CTNNA2: variants seen among roughly 807,000 people sequenced by gnomAD.
CTNNA2 encodes catenin alpha 2.
CTNNA2 carries 42 observed loss-of-function variants against 101.0 expected under a neutral mutation model. The ratio of observed to expected loss-of-function variants is 0.42; its 90% CI spans 0.32 to 0.54. The LOEUF is 0.54. CTNNA2 is among the 20% of genes least tolerant of loss of function. CTNNA2 has a pLI of 0.14. For missense variants in CTNNA2, 871 were observed against 1,223.1 expected, an observed-to-expected ratio of 0.71 and a Z score of 4.29; for synonymous variants, 450 against 456.4, an observed-to-expected ratio of 0.99 and a Z score of 0.18.
intron 7 of CTNNA2, among the ~76,000 whole-genome samples, chr2:80,347,292 T>G (rs1407259832): frequency 1.3e-5 from 2 of 152,212 alleles, no homozygotes; most frequent in Non-Finnish European, 2.9e-5. Context: ...TTCCCCACAT[T>G]ACACTGTAAA....
At chr2:79,948,899 C>T (rs1424832201) in intron 7 of CTNNA2, among the ~76,000 whole-genome samples, 2 of 152,082 alleles carry the variant, frequency 1.3e-5, no homozygotes, top group African/African-American at 2.4e-5. Flanking sequence ...ACCCGGGAGG[C>T]GGAGCTTGCA....
chr2:79,294,239 G>C (rs1675913066), intron 2 of CTNNA2, among the ~76,000 whole-genome samples: 1 of 135,998 alleles, frequency 7.4e-6, no homozygotes, highest in Non-Finnish European at 1.7e-5. Flanking sequence ...AGAAGAAGAA[G>C]AGGAGGAGGA....
chr2:79,395,122 G>A (rs1278393552), intron 4 of CTNNA2, among the ~76,000 whole-genome samples: 5 of 152,106 alleles, frequency 3.3e-5, no homozygotes, highest in African/African-American at 7.2e-5. Context: ...AATACTATAA[G>A]TAACTCCCAA....
rs953227407 is a variant in CTNNA2 at position 80,115,911 on chromosome 2, C to T, written c.1056+206114C>T. On this transcript the variant is annotated intron_variant, in intron 7 of 18. Transcript: ENST00000402739. ...GATGTATTTGGACAGTTAACCTCTC[C>T]GTGCCTTTGTTTCTCTACCCATATG... 2.3e-4 allele frequency among the ~76,000 whole-genome samples: 35 copies of T among 152,236 alleles called. 1 individual carries two copies. The highest frequency in any genetic ancestry group is 1.7e-3 in the Admixed American group (26 of 15,286).
chr2:79,647,991 C>T (rs1558800850), intron 1 of CTNNA2, among the ~76,000 whole-genome samples: 1 of 152,188 alleles, frequency 6.6e-6, no homozygotes, highest in East Asian at 1.9e-4. Flanking sequence ...CAAATGTCTA[C>T]TCACGTCATA....
At chr2:79,488,274 C>A (rs144487315) in intron 4 of CTNNA2, among the ~76,000 whole-genome samples, 2 of 143,880 alleles carry the variant, frequency 1.4e-5, no homozygotes, top group Non-Finnish European at 3.0e-5. Context: ...GCTGAGATTG[C>A]GCCATTGAAC....
intron 7 of CTNNA2, among the ~76,000 whole-genome samples, chr2:80,101,394 C>T (rs1014476296): frequency 6.6e-6 from 1 of 152,318 alleles, no homozygotes; most frequent in African/African-American, 2.4e-5. Flanking sequence ...AACCATCTCA[C>T]ACTGACTCCT....
At chr2:79,660,253 A>G (rs1681931550) in intron 2 of CTNNA2, among the ~76,000 whole-genome samples, 1 of 133,452 alleles carries the variant, frequency 7.5e-6, no homozygotes, top group African/African-American at 2.6e-5. Context: ...ATGTGTATAT[A>G]CATATGTATG....
intron 7 of CTNNA2, among the ~76,000 whole-genome samples, chr2:80,315,400 T>C (rs1170653601): frequency 6.6e-6 from 1 of 152,198 alleles, no homozygotes; most frequent in Non-Finnish European, 1.5e-5. Flanking sequence ...CTCGCTCAAG[T>C]GTCCATGATC....
At chr2:80,522,709 C>T (rs548936399) in intron 9 of CTNNA2, among the ~76,000 whole-genome samples, 1 of 152,178 alleles carries the variant, frequency 6.6e-6, no homozygotes, top group African/African-American at 2.4e-5. Flanking sequence ...CACTTCTTGC[C>T]AGCCACGTGA....
chr2:79,874,391 A>G (rs779086307), intron 6 of CTNNA2, 49 bp downstream of exon 6: 2 of 1,364,632 alleles, frequency 1.5e-6, no homozygotes, highest in Non-Finnish European at 1.9e-6. Flanking sequence ...GGTGTTGACA[A>G]AAAAAAAAAA....
At chr2:79,297,683 A>G (rs974018956) in intron 2 of CTNNA2, among the ~76,000 whole-genome samples, 1 of 151,726 alleles carries the variant, frequency 6.6e-6, no homozygotes, top group Non-Finnish European at 1.5e-5. Context: ...CTCTATCTAT[A>G]TCTATCTATC....
intron 2 of CTNNA2, among the ~76,000 whole-genome samples, chr2:79,693,657 G>T (rs1684469251): frequency 6.6e-6 from 1 of 151,928 alleles, no homozygotes; most frequent in Admixed American, 6.6e-5. Flanking sequence ...AGGACCTCAG[G>T]CACTTGATCA....
intron 3 of CTNNA2, among the ~76,000 whole-genome samples, chr2:79,772,725 C>G (rs367963369): frequency 6.6e-6 from 1 of 152,008 alleles, no homozygotes; most frequent in South Asian, 2.1e-4. Flanking sequence ...GCCACCTTAC[C>G]TGGCTATTTA....
chr2:79,507,013 G>T (rs2103814150), intron 5 of CTNNA2, among the ~76,000 whole-genome samples: 1 of 152,226 alleles, frequency 6.6e-6, no homozygotes, highest in Admixed American at 6.5e-5. Flanking sequence ...AGGGAATCTT[G>T]TATAAACAGA....
chr2:79,433,579 C>A (rs1210984285), intron 4 of CTNNA2, among the ~76,000 whole-genome samples: 5 of 139,038 alleles, frequency 3.6e-5, no homozygotes, highest in Non-Finnish European at 7.6e-5. Context: ...ATCCTCTGTA[C>A]TGGAAAATTA....
Position 80,368,831 on chromosome 2 carries a change from A to G in CTNNA2, c.1057-24380A>G, listed in dbSNP as rs1040722685. 2.8e-5 allele frequency among the ~76,000 whole-genome samples: 4 copies of G among 143,850 alleles called. No individual in the cohort carries two copies. The South Asian group carries it at 6.5e-4, about 24-fold the overall frequency. The allele number at this position is 143,850 out of a possible 152,430, so 94.4% of individuals were successfully genotyped here. On this transcript the variant is annotated intron_variant, in intron 7 of 18. Transcript: ENST00000402739. ...TGAAAAACAGTATGTGTATATATATATGTGTGTGTGTATATATGTGTGTGT... is the reference window on the plus strand; with the variant it reads ...TGAAAAACAGTATGTGTATATATATGTGTGTGTGTGTATATATGTGTGTGT...
chr2:80,232,341 G>GTTGTTTTTTTTTTTTTTTTTTT (rs1709276642), intron 7 of CTNNA2, among the ~76,000 whole-genome samples: 5 of 82,060 alleles, frequency 6.1e-5, no homozygotes, highest in Admixed American at 1.5e-4. Flanking sequence ...TTGTTTGTTT[G>GTTGTTTTTTTTTTTTTTTTTTT]TTTGTTTTTT....
chr2:79,192,240 G>A (rs1673884052), intron 1 of CTNNA2, among the ~76,000 whole-genome samples: 1 of 152,268 alleles, frequency 6.6e-6, no homozygotes, highest in African/African-American at 2.4e-5. Flanking sequence ...TTGGCCAAAA[G>A]GGGTTTGTTC....
Sources: allele counts gnomAD v4.1 joint callset (sites outside exome capture counted in the v4.1 genomes callset), GRCh38; gene constraint gnomAD v4.1.1; transcripts MANE v1.5; gene names NCBI Gene and HGNC (gene_info 2026-07-23, HGNC 2026-07-21).